The following HDAC9 variants were observed in gnomAD, a reference collection of about 807,000 sequenced individuals.
HDAC9 encodes the protein histone deacetylase 9.
A neutral mutation model predicts 139.4 loss-of-function variants in HDAC9; 41 were observed. The observed-to-expected ratio is 0.29, with a 90% CI of 0.23 to 0.38. The LOEUF is 0.38. Among genes scored for constraint, HDAC9 ranks in the 10% least tolerant of loss-of-function variants. The probability of loss-of-function intolerance (pLI) is 1.00; values close to 1 mark genes in which losing one functional copy is unlikely to be tolerated. For missense variants in HDAC9, 1,147 were observed against 1,297.0 expected, an observed-to-expected ratio of 0.88 and a Z score of 1.78; for synonymous variants, 517 against 476.2, an observed-to-expected ratio of 1.09 and a Z score of -1.12.
At chr7:18,385,833 C>G (rs4719532) in intron 1 of HDAC9, among the ~76,000 whole-genome samples, 2 of 152,060 alleles carry the variant, frequency 1.3e-5, no homozygotes, top group East Asian at 1.9e-4. Context: ...AAAAAATTTC[C>G]TAGCATAGGA....
At chr7:18,321,529 GT>G (rs1247863399) in intron 1 of HDAC9, among the ~76,000 whole-genome samples, 3 of 152,046 alleles carry the variant, frequency 2.0e-5, no homozygotes, top group Non-Finnish European at 4.4e-5. Flanking sequence ...TTAAAAAAAT[GT>G]TTGTGTTATT....
chr7:18,670,937 A>G (rs916784940), intron 12 of HDAC9, among the ~76,000 whole-genome samples: 1 of 151,584 alleles, frequency 6.6e-6, no homozygotes, highest in Admixed American at 6.6e-5. Context: ...ATTTTATTCA[A>G]CCATTTTTAA....
At chr7:18,824,076 A>AAGAAGG (rs1795216728) in intron 17 of HDAC9, among the ~76,000 whole-genome samples, 1 of 151,238 alleles carries the variant, frequency 6.6e-6, no homozygotes, top group Non-Finnish European at 1.5e-5. Context: ...GAAGAAGAAG[A>AAGAAGG]AGAAGAAGAA....
In HDAC9 at chr7:18,935,855, T is replaced by C. The variant is rs1211697577; in HGVS notation, c.2850T>C (p.Arg950=). 6.2e-7 allele frequency: 1 copy of C among 1,613,690 alleles called. No homozygotes were observed. ...AATTGATGACATTGGCTGATGGACG[T>C]GTGGTGTTGGCTCTAGAAGGAGGAC... is the stretch of plus-strand genomic sequence containing the variant. ...TKQLMTLADG[R]VVLALEGGHD... Residue 950 remains arginine (R), a synonymous_variant, in exon 23 of 26, where the codon CGT becomes CGC. Transcript: ENST00000686413.
intron 1 of HDAC9, among the ~76,000 whole-genome samples, chr7:18,121,846 T>G (rs1462244681): frequency 6.6e-6 from 1 of 152,194 alleles, no homozygotes; most frequent in Admixed American, 6.5e-5. Context: ...AGGTTATTAT[T>G]GAGAGTAGGA....
At chr7:18,541,214 A>AG (rs1181801294) in intron 2 of HDAC9, among the ~76,000 whole-genome samples, 1 of 131,512 alleles carries the variant, frequency 7.6e-6, no homozygotes, top group Non-Finnish European at 1.5e-5. Flanking sequence ...TTCTGGAAGC[A>AG]GATAGCCTTT....
intron 1 of HDAC9, among the ~76,000 whole-genome samples, chr7:18,352,728 G>A (rs1782944777): frequency 6.6e-6 from 1 of 152,030 alleles, no homozygotes; most frequent in Non-Finnish European, 1.5e-5. Flanking sequence ...TAGAGTTAGT[G>A]AATCTCGGTG....
chr7:18,797,866 T>G (rs532741776), intron 17 of HDAC9, among the ~76,000 whole-genome samples: 70 of 152,164 alleles, frequency 4.6e-4, no homozygotes, highest in African/African-American at 1.6e-3. Flanking sequence ...TGTTAATAGC[T>G]TTAAACATGC....
At chr7:18,270,583 A>AAAG (rs1051423582) in intron 2 of HDAC9, among the ~76,000 whole-genome samples, 150 of 152,288 alleles carry the variant, frequency 9.8e-4, no homozygotes, top group Non-Finnish European at 7.1e-4. Context: ...TTTTCTGTAA[A>AAAG]AAGTTAGGCT....
chr7:18,512,793 A>G (rs1340527638), intron 2 of HDAC9, among the ~76,000 whole-genome samples: 1 of 152,234 alleles, frequency 6.6e-6, no homozygotes, highest in Non-Finnish European at 1.5e-5. Context: ...ATGAAGGAAC[A>G]AGGCATACTG....
At position 18,746,946 on chromosome 7, in the gene HDAC9, C is replaced by G. The variant is rs148699457; in HGVS notation, c.1910-2059C>G. ...CCTAATTTAGAGATCTCAGGGTATG[C>G]TTGGTAGAGGAGGTGACATTAAAAA... On this transcript the variant is annotated intron_variant, in intron 13 of 25. Transcript: ENST00000686413. 3.5e-3 allele frequency among the ~76,000 whole-genome samples: 535 copies of G among 152,094 alleles called. 2 individuals carry two copies. The highest frequency in any genetic ancestry group is 0.012 in the African/African-American group (509 of 41,486).
intron 24 of HDAC9, among the ~76,000 whole-genome samples, chr7:18,966,955 C>T (rs1017124611): frequency 2.6e-5 from 4 of 152,148 alleles, no homozygotes; most frequent in Non-Finnish European, 4.4e-5. Flanking sequence ...AGCTCACAAA[C>T]AAGTGTGAAT....
At chr7:18,428,669 C>T (rs746330261) in intron 1 of HDAC9, among the ~76,000 whole-genome samples, 1 of 152,146 alleles carries the variant, frequency 6.6e-6, no homozygotes, top group Non-Finnish European at 1.5e-5. Flanking sequence ...CCTGGTTTAT[C>T]CTAAACCCAG....
chr7:18,103,737 A>G (rs766852337), intron 1 of HDAC9, among the ~76,000 whole-genome samples: 3 of 152,236 alleles, frequency 2.0e-5, no homozygotes, highest in Non-Finnish European at 2.9e-5. Flanking sequence ...ATTGATATAA[A>G]CAAGAGTTAA....
chr7:18,153,367 C>G (rs571730003), intron 1 of HDAC9, among the ~76,000 whole-genome samples: 1 of 152,062 alleles, frequency 6.6e-6, no homozygotes, highest in African/African-American at 2.4e-5. Context: ...CAAATACCCT[C>G]TAGAGGTTTC....
chr7:18,732,925 G>GTGTA lies in HDAC9; in HGVS notation c.1909+5171_1909+5172insATGT, dbSNP rs1491500541. ...CACGTGTGCGTATGTGTATACACAC[G>GTGTA]TGTGTATGTATGTGTATACACACGT... is the stretch of plus-strand genomic sequence containing the variant. On this transcript the variant is annotated intron_variant, in intron 13 of 25. Coordinates refer to ENST00000686413, the MANE Select transcript of HDAC9 (RefSeq NM_178425.4). Among the ~76,000 whole-genome samples, 15 of 100,122 alleles carry GTGTA rather than the reference G, an allele frequency of 1.5e-4. 1 individual carries two copies. Among genetic ancestry groups the GTGTA allele is most frequent in the Admixed American group, 1.2e-3 (13 of 10,606 alleles). The allele number at this position is 100,122 out of a possible 152,430, so 65.7% of individuals were successfully genotyped here. A position where few individuals can be genotyped will look rare whatever the true frequency, so the allele number is the denominator to read the frequency against.
chr7:18,406,595 G>T (rs529941998), intron 1 of HDAC9, among the ~76,000 whole-genome samples: 48 of 151,956 alleles, frequency 3.2e-4, no homozygotes, highest in Admixed American at 4.6e-4. Flanking sequence ...GGGTTTCACC[G>T]TGTTAGGATG....
chr7:18,673,555 ACAT>A (rs1374304520), intron 12 of HDAC9, among the ~76,000 whole-genome samples: 5 of 152,094 alleles, frequency 3.3e-5, no homozygotes, highest in African/African-American at 7.2e-5. Flanking sequence ...AAGTCATATA[ACAT>A]CATTAAAATT....
chr7:18,828,427 C>T (rs1396999033), intron 17 of HDAC9, among the ~76,000 whole-genome samples: 1 of 152,160 alleles, frequency 6.6e-6, no homozygotes, highest in Non-Finnish European at 1.5e-5. Flanking sequence ...TTCAGCTTTC[C>T]GTGATGCATT....
Sources: allele counts gnomAD v4.1 joint callset (sites outside exome capture counted in the v4.1 genomes callset), GRCh38; gene constraint gnomAD v4.1.1; transcripts MANE v1.5; gene names NCBI Gene and HGNC (gene_info 2026-07-23, HGNC 2026-07-21).